The following ROBO2 variants were observed in gnomAD, a reference collection of about 807,000 sequenced individuals.
ROBO2 encodes the protein roundabout guidance receptor 2, also known as roundabout homolog 2.
A neutral mutation model predicts 160.8 loss-of-function variants in ROBO2; 53 were observed. The ratio of observed to expected loss-of-function variants is 0.33; its 90% CI spans 0.26 to 0.41. The LOEUF (loss-of-function observed/expected upper bound fraction) is 0.41, where lower values mean the gene tolerates loss of function less well. Ranked by LOEUF, ROBO2 falls within the 10% of genes least tolerant of loss-of-function variation. The probability of loss-of-function intolerance (pLI) is 1.00; values close to 1 mark genes in which losing one functional copy is unlikely to be tolerated. For synonymous variants in ROBO2, 664 were observed against 611.7 expected, an observed-to-expected ratio of 1.09 and a Z score of -1.26; for missense variants, 1,577 against 1,722.4, an observed-to-expected ratio of 0.92 and a Z score of 1.49.
At chr3:77,214,590 G>C (rs1401103991) in intron 2 of ROBO2, among the ~76,000 whole-genome samples, 2 of 152,020 alleles carry the variant, frequency 1.3e-5, no homozygotes, top group Non-Finnish European at 2.9e-5. Context: ...TTTAAGGTTA[G>C]TATTGTTATG....
intron 2 of ROBO2, among the ~76,000 whole-genome samples, chr3:76,775,719 A>G (rs1227172785): frequency 6.9e-6 from 1 of 145,406 alleles, no homozygotes; most frequent in East Asian, 2.0e-4. Context: ...GACAAAATCT[A>G]TTTCATGGAA....
chr3:76,590,616 A>G (rs190210261), intron 2 of ROBO2, among the ~76,000 whole-genome samples: 1 of 152,274 alleles, frequency 6.6e-6, no homozygotes, highest in Admixed American at 6.5e-5. Context: ...TGTTTGTAAA[A>G]ATCTGCTCAA....
At chr3:76,305,616 GGGTGTGGT>G (rs1482559532) in intron 2 of ROBO2, among the ~76,000 whole-genome samples, 1 of 151,056 alleles carries the variant, frequency 6.6e-6, no homozygotes, top group Non-Finnish European at 1.5e-5. Flanking sequence ...AAAATTAGCT[GGGTGTGGT>G]GGTGGGTGCT....
At chr3:77,238,389 T>G (rs990777895) in intron 2 of ROBO2, among the ~76,000 whole-genome samples, 1 of 152,184 alleles carries the variant, frequency 6.6e-6, no homozygotes, top group African/African-American at 2.4e-5. Context: ...GTAATTAATT[T>G]TGAGGTAACT....
intron 18 of ROBO2, among the ~76,000 whole-genome samples, chr3:77,595,578 G>A (rs898454137): frequency 1.3e-5 from 2 of 152,152 alleles, no homozygotes; most frequent in Non-Finnish European, 2.9e-5. Flanking sequence ...CATGGATGAT[G>A]AATAGGCTAT....
At chr3:76,592,591 T>C (rs990922596) in intron 2 of ROBO2, among the ~76,000 whole-genome samples, 1 of 152,098 alleles carries the variant, frequency 6.6e-6, no homozygotes, top group Admixed American at 6.6e-5. Context: ...CCTCCAGCCA[T>C]TCAAACCTTC....
At chr3:77,550,589 T>C (rs2092882860) in intron 7 of ROBO2, among the ~76,000 whole-genome samples, 1 of 152,064 alleles carries the variant, frequency 6.6e-6, no homozygotes, top group South Asian at 2.1e-4. Flanking sequence ...CAGATGATTA[T>C]TCTTTCAACT....
intron 2 of ROBO2, among the ~76,000 whole-genome samples, chr3:77,399,381 CT>C (rs1056793098): frequency 2.0e-5 from 3 of 152,050 alleles, no homozygotes; most frequent in Admixed American, 6.6e-5. Context: ...TCCTAGGAAT[CT>C]TTTTTTCTTT....
At chr3:76,923,397 A>G (rs1162880935) in intron 2 of ROBO2, among the ~76,000 whole-genome samples, 1 of 152,262 alleles carries the variant, frequency 6.6e-6, no homozygotes, top group South Asian at 2.1e-4. Context: ...ATGTAAACAG[A>G]CAGTTATTGT....
intron 2 of ROBO2, among the ~76,000 whole-genome samples, chr3:76,206,162 A>G (rs1702794337): frequency 5.1e-5 from 1 of 19,740 alleles, no homozygotes; most frequent in Non-Finnish European, 2.4e-3. Context: ...AAAGCACAAA[A>G]GCCTTTAGAA....
chr3:77,437,602 A>G (rs1315802200), intron 2 of ROBO2, among the ~76,000 whole-genome samples: 1 of 151,956 alleles, frequency 6.6e-6, no homozygotes, highest in Admixed American at 6.6e-5. Context: ...GAACTGTAAC[A>G]TGTTTAACCT....
At position 76,999,786 on chromosome 3, in the gene ROBO2, G is replaced by A. The variant is rs77168023; in HGVS notation, c.110-98228G>A. ...CTCCTAAGGCAGGCCTTATTCCGCC[G>A]TGCTGATTTTCATCTTTGTAAGTAG... On this transcript the variant is annotated intron_variant, in intron 2 of 26. Transcript: ENST00000487694. Among the ~76,000 whole-genome samples, 417 of 152,238 alleles carry A rather than the reference G, an allele frequency of 2.7e-3. 3 individuals carry two copies. Among genetic ancestry groups the A allele is most frequent in the African/African-American group, 8.7e-3 (362 of 41,558 alleles).
intron 2 of ROBO2, among the ~76,000 whole-genome samples, chr3:77,327,856 C>T (rs1313568440): frequency 1.3e-5 from 2 of 151,754 alleles, no homozygotes; most frequent in South Asian, 2.1e-4. Context: ...TTGAGACTAG[C>T]CTGGACAACA....
chr3:76,929,368 C>T (rs538622308), intron 2 of ROBO2, among the ~76,000 whole-genome samples: 2 of 152,284 alleles, frequency 1.3e-5, no homozygotes, highest in South Asian at 4.1e-4. Context: ...AGGCCAGAAA[C>T]CTTGGAGACA....
chr3:77,589,783 A>C (rs2094138046), intron 17 of ROBO2, among the ~76,000 whole-genome samples: 1 of 152,086 alleles, frequency 6.6e-6, no homozygotes, highest in African/African-American at 2.4e-5. Context: ...TATTTTAAAT[A>C]TTTTCTCCAA....
chr3:76,731,814 C>T (rs192453053), intron 2 of ROBO2, among the ~76,000 whole-genome samples: 8 of 152,240 alleles, frequency 5.3e-5, no homozygotes, highest in Non-Finnish European at 1.0e-4. Flanking sequence ...CTTAGGAATT[C>T]ATGGGGACTC....
chr3:76,243,081 A>G (rs746245756), intron 2 of ROBO2, among the ~76,000 whole-genome samples: 3 of 152,324 alleles, frequency 2.0e-5, no homozygotes, highest in South Asian at 2.1e-4. Context: ...ACAAAAGGCA[A>G]TTCCAGGGGG....
chr3:76,472,847 T>C (rs894979885), intron 2 of ROBO2, among the ~76,000 whole-genome samples: 1 of 152,136 alleles, frequency 6.6e-6, no homozygotes, highest in African/African-American at 2.4e-5. Flanking sequence ...ATCAGGGAGA[T>C]GTTGATAGAT....
At chr3:77,175,005 C>T (rs1360024665) in intron 2 of ROBO2, among the ~76,000 whole-genome samples, 1 of 152,038 alleles carries the variant, frequency 6.6e-6, no homozygotes, top group East Asian at 1.9e-4. Flanking sequence ...TTGCTCACTT[C>T]TAATACCTGA....
Sources: allele counts gnomAD v4.1 joint callset (sites outside exome capture counted in the v4.1 genomes callset), GRCh38; gene constraint gnomAD v4.1.1; transcripts MANE v1.5; gene names NCBI Gene and HGNC (gene_info 2026-07-23, HGNC 2026-07-21).